The following TCF7L1 variants were observed in gnomAD, a reference collection of about 807,000 sequenced individuals.
The protein encoded by TCF7L1 is transcription factor 7-like 1.
In TCF7L1, 18 loss-of-function variants were observed where a neutral mutation model predicts 63.7. The ratio of observed to expected loss-of-function variants is 0.28; its 90% CI spans 0.20 to 0.42. The LOEUF (loss-of-function observed/expected upper bound fraction) is 0.42. Among genes scored for constraint, TCF7L1 ranks in the 10% least tolerant of loss-of-function variants. The pLI, the probability that TCF7L1 is intolerant of heterozygous loss-of-function variation, is 1.00. For missense variants in TCF7L1, 654 were observed against 779.3 expected, an observed-to-expected ratio of 0.84 and a Z score of 1.91; for synonymous variants, 355 against 340.9, an observed-to-expected ratio of 1.04 and a Z score of -0.46.
chr2:85,218,416 T>A (rs1679759157), intron 3 of TCF7L1, among the ~76,000 whole-genome samples: 1 of 152,008 alleles, frequency 6.6e-6, no homozygotes, highest in African/African-American at 2.4e-5. Flanking sequence ...CCACCATGCC[T>A]GGCTAATTTT....
chr2:85,305,665 T>C (rs1682089522), intron 8 of TCF7L1, among the ~76,000 whole-genome samples: 1 of 152,102 alleles, frequency 6.6e-6, no homozygotes, highest in Non-Finnish European at 1.5e-5. Context: ...AAAGAGAACC[T>C]GAGAAAGCTT....
Position 85,134,192 on chromosome 2 carries a change from T to C in TCF7L1, c.313+113T>C, listed in dbSNP as rs1017541220. ...GGTGGACGCACCCTTGCCCTCCGCCTTTATTGGCGGCAGCCCCCGTGGGGC... is the reference window on the plus strand; with the variant it reads ...GGTGGACGCACCCTTGCCCTCCGCCCTTATTGGCGGCAGCCCCCGTGGGGC... On this transcript the variant is annotated intron_variant, in intron 2 of 11. Coordinates refer to ENST00000282111, the MANE Select transcript of TCF7L1 (RefSeq NM_031283.3). This position sits in a 1 kb window ranked among gnomAD's most constrained non-coding sequence, Gnocchi z 5.0. The C allele has an allele frequency of 6.7e-7, 1 of 1,499,552 alleles. No individual in the cohort carries two copies. The highest frequency in any genetic ancestry group is 8.9e-7 in the Non-Finnish European group (1 of 1,120,810). The allele number at this position is 1,499,552 out of a possible 1,614,324, so 92.9% of individuals were successfully genotyped here.
intron 3 of TCF7L1, among the ~76,000 whole-genome samples, chr2:85,159,007 G>C (rs1654689403): frequency 6.6e-6 from 1 of 152,232 alleles, no homozygotes; most frequent in Non-Finnish European, 1.5e-5. Context: ...GCAAGTTGCT[G>C]TCTCAGAGTT....
At chr2:85,234,753 A>G (rs1363596920) in intron 3 of TCF7L1, among the ~76,000 whole-genome samples, 1 of 152,226 alleles carries the variant, frequency 6.6e-6, no homozygotes, top group Non-Finnish European at 1.5e-5. Context: ...GGTGAGGTCC[A>G]GGAAACTCAG....
intron 4 of TCF7L1, among the ~76,000 whole-genome samples, chr2:85,285,688 C>G (rs868391255): frequency 6.6e-6 from 1 of 152,174 alleles, no homozygotes; most frequent in South Asian, 2.1e-4. Context: ...ATGTGCGGAC[C>G]ACATCTGCCC....
At chr2:85,253,351 CCT>C (rs1310831359) in intron 3 of TCF7L1, among the ~76,000 whole-genome samples, 4 of 150,770 alleles carry the variant, frequency 2.7e-5, no homozygotes, top group African/African-American at 9.8e-5. Flanking sequence ...AGGTCAGAAA[CCT>C]GCTCACAGGG....
intron 3 of TCF7L1, among the ~76,000 whole-genome samples, chr2:85,172,254 C>G (rs1678562735): frequency 6.6e-6 from 1 of 152,182 alleles, no homozygotes; most frequent in Admixed American, 6.5e-5. Flanking sequence ...CGGCCCTCCT[C>G]TCCCTTGGAG....
chr2:85,273,750 T>C (rs572088460), intron 3 of TCF7L1, among the ~76,000 whole-genome samples: 2 of 152,238 alleles, frequency 1.3e-5, no homozygotes, highest in African/African-American at 4.8e-5. Context: ...TCTGTGAGCA[T>C]GGGCCCCTTG....
Position 85,302,576 on chromosome 2 carries a change from C to CCCCA in TCF7L1, c.620_621insCACC (p.Pro208ThrfsTer161). ...GCAATGACCACTTCTCCCCCGGCTCCCCTCCCACCCACCTCTCCCCAGAGA... is the reference window on the plus strand; with the variant it reads ...GCAATGACCACTTCTCCCCCGGCTCCCCCACCTCCCACCCACCTCTCCCCAGAGA... On this transcript the variant is annotated frameshift_variant, in exon 5 of 12. Coordinates refer to ENST00000282111, the MANE Select transcript of TCF7L1 (RefSeq NM_031283.3). LOFTEE classifies it high-confidence loss of function. 3.1e-6 allele frequency: 5 copies of CCCCA among 1,600,216 alleles called. No homozygotes were observed. Among genetic ancestry groups the CCCCA allele is most frequent in the Non-Finnish European group, 4.3e-6 (5 of 1,168,626 alleles).
chr2:85,201,937 T>TTTTATTTA (rs138595337), intron 3 of TCF7L1, among the ~76,000 whole-genome samples: 2 of 150,398 alleles, frequency 1.3e-5, no homozygotes, highest in South Asian at 2.1e-4. Context: ...TCTTTTGACT[T>TTTTATTTA]TTTATTTATT....
chr2:85,134,400 A>G lies in TCF7L1; in HGVS notation c.391A>G (p.Ser131Gly). 1 of 1,568,936 alleles carries G rather than the reference A, an allele frequency of 6.4e-7. No homozygotes were observed. The highest frequency in any genetic ancestry group is 8.6e-7 in the Non-Finnish European group (1 of 1,156,304). Residue 131 changes from serine to glycine, a missense_variant, in exon 3 of 12, where the codon AGC becomes GGC. Around this residue, in one of 3 missense-constraint regions of TCF7L1, gnomAD observed 404 missense variants for 454.8 expected, o/e 0.89. Transcript: ENST00000282111. The surrounding 1 kb of genome is among the most constrained non-coding windows in gnomAD (Gnocchi z 5.0). ...CCCCTTCCTGATGATCCCGGACCTG[A>G]GCAGCCCGTACCTCTCCAACGGACC... The part of the protein sequence containing the change: ...GYPFLMIPDL[S>G]SPYLSNGPLS...
chr2:85,288,824 A>C (rs1428456979), intron 4 of TCF7L1, among the ~76,000 whole-genome samples: 1 of 152,206 alleles, frequency 6.6e-6, no homozygotes, highest in Non-Finnish European at 1.5e-5. Flanking sequence ...ACCCCTCACC[A>C]TGGCCCCACA....
chr2:85,246,587 C>T (rs560751504), intron 3 of TCF7L1, among the ~76,000 whole-genome samples: 2 of 152,266 alleles, frequency 1.3e-5, no homozygotes, highest in African/African-American at 2.4e-5. Flanking sequence ...CCTGGCAAGG[C>T]GAGGCTCTCC....
intron 3 of TCF7L1, among the ~76,000 whole-genome samples, chr2:85,178,032 C>T (rs909404960): frequency 6.6e-6 from 1 of 152,056 alleles, no homozygotes; most frequent in East Asian, 1.9e-4. Context: ...AGAGAGCAAG[C>T]AGATCAGTGA....
intron 3 of TCF7L1, among the ~76,000 whole-genome samples, chr2:85,274,948 G>A (rs1472517827): frequency 1.3e-5 from 2 of 152,162 alleles, no homozygotes; most frequent in African/African-American, 2.4e-5. Flanking sequence ...AGCCACACGT[G>A]AGATAATCAC....
intron 3 of TCF7L1, among the ~76,000 whole-genome samples, chr2:85,158,321 G>A (rs1045659889): frequency 3.3e-5 from 5 of 152,180 alleles, no homozygotes; most frequent in African/African-American, 1.2e-4. Flanking sequence ...AGTCCCCTCT[G>A]GGAGTCCTCT....
At chr2:85,135,397 T>C (rs1378706622) in intron 3 of TCF7L1, among the ~76,000 whole-genome samples, 1 of 152,154 alleles carries the variant, frequency 6.6e-6, no homozygotes, top group Non-Finnish European at 1.5e-5. Flanking sequence ...TGCTGCTGCT[T>C]GGGCGCGATG....
chr2:85,248,720 G>T (rs944848596), intron 3 of TCF7L1, among the ~76,000 whole-genome samples: 2 of 152,176 alleles, frequency 1.3e-5, no homozygotes, highest in African/African-American at 4.8e-5. Flanking sequence ...AAATGTACAT[G>T]AACATAGCTG....
chr2:85,135,720 TCTGA>T (rs1309824423), intron 3 of TCF7L1, among the ~76,000 whole-genome samples: 3 of 151,352 alleles, frequency 2.0e-5, no homozygotes, highest in Admixed American at 6.6e-5. Context: ...TGGAAGAGAC[TCTGA>T]CTGAGAGAGA....
Sources: gnomAD v4.1 joint callset for allele counts (sites outside exome capture counted in the v4.1 genomes callset) on GRCh38, gnomAD v4.1.1 for gene constraint, gnomAD v4.1.1 regional missense constraint, Gnocchi (gnomAD v3.1) non-coding constraint, MANE v1.5 for transcripts, NCBI Gene and HGNC (gene_info 2026-07-23, HGNC 2026-07-21) for gene names.